Variants in UVRAG observed in about 807,000 individuals in gnomAD.
UVRAG encodes the protein UV radiation resistance associated.
A neutral mutation model predicts 78.0 loss-of-function variants in UVRAG; 19 were observed. That is an observed-to-expected ratio of 0.24 (90% CI 0.17 to 0.36). The LOEUF is 0.36. Ranked by LOEUF, UVRAG falls within the 10% of genes least tolerant of loss-of-function variation. UVRAG has a pLI of 1.00. For synonymous variants in UVRAG, 323 were observed against 324.6 expected, an observed-to-expected ratio of 1.00 and a Z score of 0.05; for missense variants, 740 against 853.8, an observed-to-expected ratio of 0.87 and a Z score of 1.66.
intron 14 of UVRAG, among the ~76,000 whole-genome samples, chr11:76,140,331 G>C (rs920362469): frequency 6.6e-6 from 1 of 151,958 alleles, no homozygotes; most frequent in African/African-American, 2.4e-5. Context: ...ACTAAAACAA[G>C]AATGAGATTA....
In UVRAG at chr11:76,018,527, G is replaced by A. The variant is rs1950186819; in HGVS notation, c.1226+1547G>A. On this transcript the variant is annotated intron_variant, in intron 12 of 14. Coordinates refer to ENST00000356136, the MANE Select transcript of UVRAG (RefSeq NM_003369.4). Reference sequence around the variant, plus strand: ...TGGGTTCAACAATTCTCCTGCCTCAGCCTCCCGAGTAGCTGGGAATACAGG... The same window carrying A: ...TGGGTTCAACAATTCTCCTGCCTCAACCTCCCGAGTAGCTGGGAATACAGG... Among the ~76,000 whole-genome samples the A allele has an allele frequency of 2.0e-5, 3 of 152,062 alleles. No homozygotes were observed. The South Asian group carries it at 6.2e-4, about 32-fold the overall frequency.
At chr11:75,999,544 C>A (rs1334535485) in intron 8 of UVRAG, among the ~76,000 whole-genome samples, 4 of 151,838 alleles carry the variant, frequency 2.6e-5, no homozygotes, top group African/African-American at 9.7e-5. Context: ...CCACACCCGG[C>A]TAATTTTTGT....
intron 6 of UVRAG, among the ~76,000 whole-genome samples, chr11:75,919,032 T>G (rs1464506739): frequency 1.3e-5 from 2 of 152,118 alleles, no homozygotes; most frequent in African/African-American, 4.8e-5. Context: ...AGAAGCAAAT[T>G]CCCCTCCCCG....
chr11:76,104,484 G>C (rs542118580), intron 13 of UVRAG, among the ~76,000 whole-genome samples: 3 of 152,252 alleles, frequency 2.0e-5, no homozygotes, highest in Middle Eastern at 3.4e-3. Flanking sequence ...AAAATGCTTA[G>C]CATTGATTCC....
chr11:75,955,126 GGGCC>G (rs1359537481), intron 6 of UVRAG, among the ~76,000 whole-genome samples: 1 of 152,148 alleles, frequency 6.6e-6, no homozygotes, highest in Non-Finnish European at 1.5e-5. Context: ...ACATCACAAA[GGGCC>G]TTACCTTGAT....
chr11:75,955,663 G>C (rs542761064), intron 6 of UVRAG, among the ~76,000 whole-genome samples: 20 of 152,302 alleles, frequency 1.3e-4, no homozygotes, highest in Middle Eastern at 3.4e-3. Context: ...ACTGTGGGAG[G>C]CTGAGGCGGA....
intron 8 of UVRAG, among the ~76,000 whole-genome samples, chr11:75,985,481 A>G (rs1418894874): frequency 6.6e-6 from 1 of 152,010 alleles, no homozygotes; most frequent in East Asian, 1.9e-4. Flanking sequence ...GCTTAAAAAT[A>G]TATTCTCCCA....
intron 13 of UVRAG, among the ~76,000 whole-genome samples, chr11:76,113,246 G>C (rs749007525): frequency 3.9e-5 from 6 of 152,162 alleles, no homozygotes; most frequent in Non-Finnish European, 7.4e-5. Context: ...AGAAGATGAG[G>C]AAGGGAACTA....
chr11:76,099,252 C>A (rs929771096), intron 13 of UVRAG, among the ~76,000 whole-genome samples: 1 of 152,172 alleles, frequency 6.6e-6, no homozygotes, highest in Non-Finnish European at 1.5e-5. Flanking sequence ...AAAATAAATT[C>A]TCTGTCATTG....
At chr11:75,923,240 CT>C (rs1425645886) in intron 6 of UVRAG, among the ~76,000 whole-genome samples, 1 of 151,562 alleles carries the variant, frequency 6.6e-6, no homozygotes, top group Admixed American at 6.6e-5. Flanking sequence ...TATTTTCTTC[CT>C]TTATAATTGT....
chr11:76,033,447 T>A (rs1432824174), intron 12 of UVRAG, among the ~76,000 whole-genome samples: 1 of 152,088 alleles, frequency 6.6e-6, no homozygotes, highest in South Asian at 2.1e-4. Context: ...GACTCATAAG[T>A]TTTTAGAATT....
At chr11:76,023,881 C>G (rs559037161) in intron 12 of UVRAG, among the ~76,000 whole-genome samples, 69 of 152,148 alleles carry the variant, frequency 4.5e-4, no homozygotes, top group African/African-American at 1.5e-3. Flanking sequence ...AGGGATAGGT[C>G]TTTGGCTATA....
chr11:75,820,868 G>A (rs1370178556), intron 1 of UVRAG, among the ~76,000 whole-genome samples: 2 of 151,956 alleles, frequency 1.3e-5, no homozygotes, highest in African/African-American at 2.4e-5. Flanking sequence ...TTGATGTCAA[G>A]GCTGCAGTGA....
At chr11:75,934,163 A>G (rs192011123) in intron 6 of UVRAG, among the ~76,000 whole-genome samples, 8 of 152,348 alleles carry the variant, frequency 5.3e-5, no homozygotes, top group African/African-American at 1.4e-4. Flanking sequence ...TCCGCCATTA[A>G]AAAAATGAGA....
intron 1 of UVRAG, among the ~76,000 whole-genome samples, chr11:75,830,570 C>T (rs998086655): frequency 9.2e-5 from 14 of 152,102 alleles, no homozygotes; most frequent in Non-Finnish European, 1.5e-4. Context: ...TGCGCCCGGC[C>T]GTAAGTATTC....
intron 6 of UVRAG, among the ~76,000 whole-genome samples, chr11:75,949,243 G>C (rs1948638707): frequency 1.3e-5 from 2 of 152,082 alleles, no homozygotes; most frequent in African/African-American, 4.8e-5. Context: ...TGTCATACCA[G>C]CTCTCCCAGC....
chr11:75,944,729 C>T (rs150077904), intron 6 of UVRAG, among the ~76,000 whole-genome samples: 3 of 152,096 alleles, frequency 2.0e-5, no homozygotes, highest in East Asian at 3.9e-4. Context: ...TATTGCGTAA[C>T]GGAATTAGTA....
intron 13 of UVRAG, among the ~76,000 whole-genome samples, chr11:76,073,115 A>G (rs1038366402): frequency 2.0e-5 from 3 of 152,172 alleles, no homozygotes; most frequent in African/African-American, 7.2e-5. Context: ...TCAATTAAGA[A>G]TGTCCTTAAT....
intron 5 of UVRAG, among the ~76,000 whole-genome samples, chr11:75,902,725 G>T (rs1429440209): frequency 6.6e-6 from 1 of 151,764 alleles, no homozygotes; most frequent in Non-Finnish European, 1.5e-5. Flanking sequence ...AGACTCTTTT[G>T]AGTTCTTCTT....
Sources: allele counts gnomAD v4.1 joint callset (sites outside exome capture counted in the v4.1 genomes callset), GRCh38; gene constraint gnomAD v4.1.1; transcripts MANE v1.5; gene names NCBI Gene and HGNC (gene_info 2026-07-23, HGNC 2026-07-21).